The following THRB variants were observed in gnomAD, a reference collection of about 807,000 sequenced individuals.
THRB encodes the protein nuclear receptor subfamily 1 group A member 2.
In THRB, 12 loss-of-function variants were observed where a neutral mutation model predicts 47.8. The observed-to-expected ratio is 0.25, with a 90% CI of 0.16 to 0.41. THRB has a LOEUF of 0.41. Ranked by LOEUF, THRB falls within the 10% of genes least tolerant of loss-of-function variation. The pLI, the probability that THRB is intolerant of heterozygous loss-of-function variation, is 1.00. For synonymous variants in THRB, 218 were observed against 212.2 expected (o/e 1.03, Z -0.24); for missense variants, 348 against 589.2 (o/e 0.59, Z 4.24).
chr3:24,156,730 C>G (rs949763000), intron 5 of THRB, among the ~76,000 whole-genome samples: 2 of 152,256 alleles, frequency 1.3e-5, no homozygotes, highest in South Asian at 2.1e-4. Flanking sequence ...TTTTGTCACC[C>G]TTCAGGAAGC....
chr3:24,220,860 C>G (rs1178375103), intron 4 of THRB, among the ~76,000 whole-genome samples: 1 of 151,972 alleles, frequency 6.6e-6, no homozygotes, highest in Non-Finnish European at 1.5e-5. Context: ...CCCACAGTTT[C>G]CCAGTCTTTG....
At chr3:24,444,827 A>C (rs1480597880) in intron 1 of THRB, among the ~76,000 whole-genome samples, 1 of 152,104 alleles carries the variant, frequency 6.6e-6, no homozygotes, top group Non-Finnish European at 1.5e-5. Flanking sequence ...CAAGTGATCC[A>C]CCTTCCTCAG....
chr3:24,395,293 T>G (rs1158338261), intron 1 of THRB, among the ~76,000 whole-genome samples: 1 of 152,106 alleles, frequency 6.6e-6, no homozygotes, highest in Non-Finnish European at 1.5e-5. Context: ...TTAAAACTTT[T>G]GTGCTTCAGT....
At chr3:24,478,303 G>T (rs112895518) in intron 1 of THRB, among the ~76,000 whole-genome samples, 1 of 152,188 alleles carries the variant, frequency 6.6e-6, no homozygotes, top group East Asian at 1.9e-4. Flanking sequence ...TATCTGGAGG[G>T]GCAGGGAATA....
chr3:24,336,481 G>T (rs943283159), intron 2 of THRB, among the ~76,000 whole-genome samples: 4 of 152,188 alleles, frequency 2.6e-5, no homozygotes, highest in Non-Finnish European at 5.9e-5. Context: ...AATAAACACA[G>T]AAAGGAAAGT....
intron 1 of THRB, among the ~76,000 whole-genome samples, chr3:24,451,470 C>T (rs1179168770): frequency 6.6e-6 from 1 of 152,096 alleles, no homozygotes; most frequent in African/African-American, 2.4e-5. Context: ...TTCCTGACCT[C>T]GTGATCCACC....
chr3:24,449,290 T>C (rs1165631201), intron 1 of THRB, among the ~76,000 whole-genome samples: 5 of 152,284 alleles, frequency 3.3e-5, no homozygotes, highest in Non-Finnish European at 4.4e-5. Context: ...CACATATATA[T>C]GACCCATTTC....
At chr3:24,396,120 T>G (rs1360158225) in intron 1 of THRB, among the ~76,000 whole-genome samples, 1 of 152,032 alleles carries the variant, frequency 6.6e-6, no homozygotes, top group Non-Finnish European at 1.5e-5. Context: ...AATGAGTGAA[T>G]AGTATGGTAT....
At chr3:24,260,899 C>G (rs1198211230) in intron 3 of THRB, among the ~76,000 whole-genome samples, 1 of 152,226 alleles carries the variant, frequency 6.6e-6, no homozygotes, top group African/African-American at 2.4e-5. Flanking sequence ...GACTTTACAT[C>G]AAAATCACCC....
At chr3:24,137,727 G>T (rs924577908) in intron 8 of THRB, among the ~76,000 whole-genome samples, 4 of 152,100 alleles carry the variant, frequency 2.6e-5, no homozygotes, top group African/African-American at 9.7e-5. Flanking sequence ...AAATGCAATG[G>T]GGCATCTACT....
chr3:24,239,206 T>G (rs1424955447), intron 3 of THRB, among the ~76,000 whole-genome samples: 1 of 152,148 alleles, frequency 6.6e-6, no homozygotes, highest in Non-Finnish European at 1.5e-5. Flanking sequence ...CATCTGAAAG[T>G]GCTGGGATTA....
chr3:24,239,576 A>G (rs1347739772), intron 3 of THRB, among the ~76,000 whole-genome samples: 1 of 152,028 alleles, frequency 6.6e-6, no homozygotes, highest in Non-Finnish European at 1.5e-5. Context: ...GGCCTCTATC[A>G]TTATTATTTA....
intron 2 of THRB, among the ~76,000 whole-genome samples, chr3:24,311,548 CT>C (rs2057760119): frequency 6.6e-6 from 1 of 152,188 alleles, no homozygotes; most frequent in Non-Finnish European, 1.5e-5. Flanking sequence ...ATCTCCCTAT[CT>C]TTCCCTAAGC....
At chr3:24,218,160 C>T (rs1225292009) in intron 4 of THRB, among the ~76,000 whole-genome samples, 11 of 151,680 alleles carry the variant, frequency 7.3e-5, no homozygotes, top group African/African-American at 1.9e-4. Context: ...CCCAGCTACT[C>T]GGGAGGTTGA....
chr3:24,206,133 C>T (rs1172879064), intron 4 of THRB, among the ~76,000 whole-genome samples: 1 of 152,060 alleles, frequency 6.6e-6, no homozygotes, highest in Non-Finnish European at 1.5e-5. Context: ...ATTGAACTCA[C>T]CTCTGCACCA....
chr3:24,293,038 A>AT (rs2056100946), intron 3 of THRB, among the ~76,000 whole-genome samples: 1 of 150,712 alleles, frequency 6.6e-6, no homozygotes, highest in African/African-American at 2.4e-5. Flanking sequence ...GTTGCTCATA[A>AT]TTTTTTGCAC....
intron 8 of THRB, among the ~76,000 whole-genome samples, chr3:24,141,730 A>G (rs2035476988): frequency 6.6e-6 from 1 of 152,210 alleles, no homozygotes; most frequent in African/African-American, 2.4e-5. Context: ...AAAAGTATAA[A>G]ATTCCCGGGA....
At chr3:24,275,078 T>G (rs1189431633) in intron 3 of THRB, among the ~76,000 whole-genome samples, 1 of 152,224 alleles carries the variant, frequency 6.6e-6, no homozygotes, top group African/African-American at 2.4e-5. Context: ...ACACGGCAGC[T>G]TGTTGAAACA....
intron 4 of THRB, among the ~76,000 whole-genome samples, chr3:24,223,961 T>C (rs968377043): frequency 5.9e-5 from 9 of 152,072 alleles, no homozygotes; most frequent in Non-Finnish European, 1.2e-4. Context: ...CTTGATACAA[T>C]TTTGCCTAAT....
Sources: allele counts gnomAD v4.1 joint callset (sites outside exome capture counted in the v4.1 genomes callset), GRCh38; gene constraint gnomAD v4.1.1; transcripts MANE v1.5; gene names NCBI Gene and HGNC (gene_info 2026-07-23, HGNC 2026-07-21).